Variants in NEK1 observed in about 807,000 individuals in gnomAD.
The protein encoded by NEK1 is serine/threonine-protein kinase Nek1.
In NEK1, 137 loss-of-function variants were observed where a neutral mutation model predicts 182.1. The observed-to-expected ratio is 0.75, with a 90% CI of 0.65 to 0.87. The LOEUF (loss-of-function observed/expected upper bound fraction) is 0.87. Among genes scored for constraint, NEK1 ranks in the 40% least tolerant of loss-of-function variants. NEK1 has a pLI of 0.00. For missense variants in NEK1, 1,391 were observed against 1,494.4 expected (o/e 0.93, Z 1.14); for synonymous variants, 513 against 492.2 (o/e 1.04, Z -0.56).
chr4:169,577,209 CT>C (rs1765831310), intron 11 of NEK1, 130 bp from the exon 12 acceptor site: 14 of 896,752 alleles, frequency 1.6e-5, no homozygotes, highest in Non-Finnish European at 1.8e-5. Context: ...TATCAAATAT[CT>C]TAATTCATCC....
At chr4:169,482,481 CTT>C (rs913643124) in intron 23 of NEK1, among the ~76,000 whole-genome samples, 21 of 141,684 alleles carry the variant, frequency 1.5e-4, no homozygotes, top group Admixed American at 4.2e-4. Context: ...TTCTTTCTTT[CTT>C]TTTTTTTTTT....
At chr4:169,604,361 GAGAA>G (rs1770989375) in intron 2 of NEK1, among the ~76,000 whole-genome samples, 1 of 152,186 alleles carries the variant, frequency 6.6e-6, no homozygotes, top group South Asian at 2.1e-4. Context: ...AAAAAAGTGT[GAGAA>G]AGAGTCATAA....
chr4:169,400,303 T>C lies in NEK1; in HGVS notation c.3769A>G (p.Asn1257Asp). Reference sequence around the variant, plus strand: ...TGCTGATGTTCATTTCCCAAAATATTTTGAACTATTTTTGAACAAATTTCA... The same window carrying C: ...TGCTGATGTTCATTTCCCAAAATATCTTGAACTATTTTTGAACAAATTTCA... ...NIEICSKIVQ[N>D]ILGNEHQHLY... is the part of the protein sequence containing the mutation. Residue 1257 changes from asparagine to aspartate, a missense_variant, in exon 35 of 36, where the codon AAT (asparagine) becomes GAT (aspartate). This residue lies in a region of NEK1 where 1,216 missense variants were observed against 1,277.6 expected (regional missense o/e 0.95). Transcript: ENST00000507142. 1 of 1,550,726 alleles carries C rather than the reference T, an allele frequency of 6.4e-7. No individual in the cohort carries two copies. The highest frequency in any genetic ancestry group is 8.7e-7 in the Non-Finnish European group (1 of 1,144,718).
At chr4:169,598,083 A>G (rs1324799888) in intron 5 of NEK1, among the ~76,000 whole-genome samples, 1 of 152,226 alleles carries the variant, frequency 6.6e-6, no homozygotes, top group Non-Finnish European at 1.5e-5. Context: ...AATCTCAGGA[A>G]CAAAAGGGTG....
intron 24 of NEK1, among the ~76,000 whole-genome samples, chr4:169,479,179 T>C (rs968588122): frequency 6.6e-6 from 1 of 152,126 alleles, no homozygotes; most frequent in Non-Finnish European, 1.5e-5. Flanking sequence ...TAAAGTAATA[T>C]AAGAGTTATT....
chr4:169,572,496 C>T (rs1178802613), intron 12 of NEK1, among the ~76,000 whole-genome samples: 2 of 152,120 alleles, frequency 1.3e-5, no homozygotes. Context: ...AGACAGGTAT[C>T]AGTCTCCAGT....
chr4:169,463,746 G>A (rs141574243), intron 26 of NEK1, among the ~76,000 whole-genome samples: 1,713 of 152,194 alleles, frequency 0.011, 33 homozygotes, highest in African/African-American at 0.038. Context: ...TGAAATATGT[G>A]CATATACATA....
At chr4:169,542,009 T>C (rs546749692) in intron 18 of NEK1, among the ~76,000 whole-genome samples, 37 of 152,280 alleles carry the variant, frequency 2.4e-4, no homozygotes, top group African/African-American at 7.9e-4. Flanking sequence ...TCTTTAATGA[T>C]GGCTAAATTC....
chr4:169,601,634 C>T (rs1047563964), intron 4 of NEK1, among the ~76,000 whole-genome samples: 3 of 152,106 alleles, frequency 2.0e-5, no homozygotes, highest in Admixed American at 2.0e-4. Context: ...ATGTAAATTA[C>T]TGTTCTTGCT....
intron 26 of NEK1, among the ~76,000 whole-genome samples, chr4:169,465,850 A>G (rs1439805992): frequency 6.6e-6 from 1 of 152,150 alleles, no homozygotes; most frequent in Non-Finnish European, 1.5e-5. Context: ...CAAGCTATGC[A>G]CAGGTAACTA....
chr4:169,536,057 G>A (rs1245271576), intron 19 of NEK1, among the ~76,000 whole-genome samples: 2 of 151,594 alleles, frequency 1.3e-5, no homozygotes, highest in East Asian at 3.9e-4. Flanking sequence ...CACTTTCGGA[G>A]GCCAAGGCAG....
intron 23 of NEK1, among the ~76,000 whole-genome samples, chr4:169,504,306 T>C (rs1463798042): frequency 6.6e-6 from 1 of 152,140 alleles, no homozygotes; most frequent in African/African-American, 2.4e-5. Flanking sequence ...TACAGCCACT[T>C]ATGGAGAACA....
intron 26 of NEK1, among the ~76,000 whole-genome samples, chr4:169,475,756 T>C (rs566398671): frequency 6.6e-6 from 1 of 152,132 alleles, no homozygotes; most frequent in South Asian, 2.1e-4. Context: ...ACATGGCAGA[T>C]AGAAAAACAA....
At chr4:169,602,273 G>C (rs1310251595) in intron 3 of NEK1, among the ~76,000 whole-genome samples, 169 bp from the exon 4 acceptor site, 2 of 152,102 alleles carry the variant, frequency 1.3e-5, no homozygotes, top group African/African-American at 2.4e-5. Flanking sequence ...AACATTTTAA[G>C]ATGTCCAAAC....
intron 19 of NEK1, 43 bp from the exon 20 acceptor site, chr4:169,508,895 C>A: frequency 6.9e-7 from 1 of 1,450,914 alleles, no homozygotes; most frequent in South Asian, 1.2e-5. Flanking sequence ...ATGACTAAGG[C>A]TACATTATTA....
At chr4:169,492,294 A>G (rs1750249275) in intron 23 of NEK1, among the ~76,000 whole-genome samples, 1 of 152,220 alleles carries the variant, frequency 6.6e-6, no homozygotes, top group Non-Finnish European at 1.5e-5. Context: ...CTGGTAAATC[A>G]TCAAGTTTTG....
intron 5 of NEK1, among the ~76,000 whole-genome samples, chr4:169,598,020 G>A (rs925287136): frequency 6.6e-6 from 1 of 152,112 alleles, no homozygotes; most frequent in African/African-American, 2.4e-5. Context: ...ATGTACATGT[G>A]TTAAGTATGG....
chr4:169,485,586 A>T (rs780497495), intron 23 of NEK1, among the ~76,000 whole-genome samples: 1 of 152,238 alleles, frequency 6.6e-6, no homozygotes, highest in Non-Finnish European at 1.5e-5. Context: ...ATGACATATC[A>T]CAAAAATTAA....
intron 28 of NEK1, among the ~76,000 whole-genome samples, chr4:169,435,116 G>C (rs1738155866): frequency 6.6e-6 from 1 of 152,154 alleles, no homozygotes; most frequent in South Asian, 2.1e-4. Context: ...GTAAATAATA[G>C]AAACTTATTT....
Sources: allele counts gnomAD v4.1 joint callset (sites outside exome capture counted in the v4.1 genomes callset), GRCh38; gene constraint gnomAD v4.1.1; regional missense constraint gnomAD v4.1.1; transcripts MANE v1.5; gene names NCBI Gene and HGNC (gene_info 2026-07-23, HGNC 2026-07-21).